The following CRLF2 variants were observed in gnomAD, a reference collection of about 807,000 sequenced individuals.
CRLF2 encodes the protein cytokine receptor like factor 2.
CRLF2 carries 41 observed loss-of-function variants against 38.7 expected under a neutral mutation model. The observed-to-expected ratio is 1.06, with a 90% CI of 0.83 to 1.37. CRLF2 has a LOEUF of 1.37. Among genes scored for constraint, CRLF2 ranks in the 40% most tolerant of loss-of-function variants. The probability of loss-of-function intolerance (pLI) is 0.00; values close to 1 mark genes in which losing one functional copy is unlikely to be tolerated. For synonymous variants in CRLF2, 140 were observed against 128.8 expected, an observed-to-expected ratio of 1.09 and a Z score of -0.59; for missense variants, 377 against 322.2, an observed-to-expected ratio of 1.17 and a Z score of -1.30.
intron 7 of CRLF2, among the ~76,000 whole-genome samples, chrX:1,192,488 C>T (rs1212653792): frequency 8.6e-5 from 13 of 151,812 alleles, no homozygotes; most frequent in South Asian, 6.2e-4. Context: ...TGGTGGCGGG[C>T]GCCTGTCATC....
chrX:1,198,338 TCGAAGGCAGGACAGCC>T (rs2086533178), intron 5 of CRLF2, among the ~76,000 whole-genome samples: 9 of 78,268 alleles, frequency 1.1e-4, no homozygotes, highest in Admixed American at 1.5e-4. Flanking sequence ...CCCTCCCACC[TCGAAGGCAGGACAGCC>T]TCCCTCCCAC....
At chrX:1,192,744 CTTTCTTTCTTTCTTTCT>C (rs2086413690) in intron 7 of CRLF2, among the ~76,000 whole-genome samples, 49 of 117,018 alleles carry the variant, frequency 4.2e-4, no homozygotes, top group South Asian at 1.4e-3. Context: ...TTCTTTCTTT[CTTTCTTTCTTTCTTTCT>C]TTCTTTCCTT....
At chrX:1,198,203 TCCCTCCCACCTC>T (rs2086528714) in intron 5 of CRLF2, among the ~76,000 whole-genome samples, 16 of 113,164 alleles carry the variant, frequency 1.4e-4, no homozygotes, top group Admixed American at 5.1e-4. Context: ...CAGGACACCC[TCCCTCCCACCTC>T]GAAGGCAGGA....
At chrX:1,205,721 G>C (rs1435800618) in intron 3 of CRLF2, among the ~76,000 whole-genome samples, 1 of 151,990 alleles carries the variant, frequency 6.6e-6, no homozygotes, top group Non-Finnish European at 1.5e-5. Flanking sequence ...CCTGCGACTT[G>C]CTAGAGCTTG....
At chrX:1,212,262 C>A (rs112572810) in intron 1 of CRLF2, among the ~76,000 whole-genome samples, 27,835 of 151,338 alleles carry the variant, frequency 0.18, 2,669 homozygotes, top group Admixed American at 0.26. Flanking sequence ...GACACACACA[C>A]GCACACATAC....
chrX:1,199,631 G>A (rs1305768201), intron 4 of CRLF2, among the ~76,000 whole-genome samples: 2 of 151,844 alleles, frequency 1.3e-5, no homozygotes, highest in East Asian at 3.9e-4. Flanking sequence ...GATATAAATG[G>A]ATATAAAGAT....
chrX:1,202,094 GATAC>G (rs2086618306), intron 4 of CRLF2, among the ~76,000 whole-genome samples: 2 of 152,116 alleles, frequency 1.3e-5, no homozygotes, highest in South Asian at 4.2e-4. Flanking sequence ...GAATGATATA[GATAC>G]ATAGATAGAG....
intron 5 of CRLF2, 24 bp from the exon 6 acceptor site, chrX:1,196,924 T>C (rs375191688): frequency 1.3e-4 from 204 of 1,610,248 alleles, no homozygotes; most frequent in Non-Finnish European, 1.6e-4. Flanking sequence ...AAAAGGCGGC[T>C]GTCAGTTTTC....
At chrX:1,207,897 A>C in intron 2 of CRLF2, among the ~76,000 whole-genome samples, 2 of 152,046 alleles carry the variant, frequency 1.3e-5, no homozygotes. Context: ...TGATCCACCC[A>C]CCTCGGTCTC....
At chrX:1,192,146 A>G (rs1478650400) in intron 7 of CRLF2, among the ~76,000 whole-genome samples, 1 of 143,102 alleles carries the variant, frequency 7.0e-6, no homozygotes, top group Non-Finnish European at 1.5e-5. Context: ...TGGAGCTTGC[A>G]GTGAGCCGAG....
intron 7 of CRLF2, among the ~76,000 whole-genome samples, chrX:1,192,720 CTTTCTTTCTTTCTTTCTTTCT>C (rs2086411223): frequency 3.9e-5 from 2 of 51,766 alleles, no homozygotes; most frequent in Non-Finnish European, 7.0e-5. Flanking sequence ...TTCTTTCTTT[CTTTCTTTCTTTCTTTCTTTCT>C]TTCTTTCTTT....
chrX:1,203,611 G>T (rs769179205), intron 3 of CRLF2, among the ~76,000 whole-genome samples: 2 of 151,060 alleles, frequency 1.3e-5, no homozygotes, highest in Admixed American at 1.3e-4. Context: ...ACATGGAGAC[G>T]GAGGCAGAGA....
At chrX:1,199,165 T>TG (rs2072393714) in intron 4 of CRLF2, 1 of 215,398 alleles carries the variant, frequency 4.6e-6, no homozygotes, top group South Asian at 6.8e-5. Flanking sequence ...GAAAAAGAGA[T>TG]GGGGTCTCAC....
Position 1,198,607 on chromosome X carries a change from T to C in CRLF2, c.601A>G (p.Ser201Gly), listed in dbSNP as rs1307215749. The change falls in exon 5 of 8, where the codon AGC becomes GGC. Residue 201 changes from serine (S) to glycine (G), a missense_variant. Transcript: ENST00000400841. Reference sequence around the variant, plus strand: ...CAGCATGTCACCTCTGACCAGTCGCTTGGGTATGTGTCTGGCCCATATACA... The same window carrying C: ...CAGCATGTCACCTCTGACCAGTCGCCTGGGTATGTGTCTGGCCCATATACA... ...EDVYGPDTYP[S>G]DWSEVTCWQR... The C allele has an allele frequency of 6.2e-7, 1 of 1,613,656 alleles. No homozygotes were observed. The highest frequency in any genetic ancestry group is 8.5e-7 in the Non-Finnish European group (1 of 1,179,636).
intron 2 of CRLF2, among the ~76,000 whole-genome samples, chrX:1,207,746 T>C (rs1276271374): frequency 3.3e-5 from 5 of 151,354 alleles, no homozygotes; most frequent in African/African-American, 9.7e-5. Context: ...GTCTCCCAGG[T>C]TGAAGCGATT....
In CRLF2 at chrX:1,190,871, C is replaced by T. The variant is rs1160878866; in HGVS notation, c.*26G>A. On this transcript the variant is annotated 3_prime_UTR_variant, in exon 8 of 8. Coordinates refer to ENST00000400841, the MANE Select transcript of CRLF2 (RefSeq NM_022148.4). ...CTTTAAATGTCAACGTGGATCCTGA[C>T]GTTGACTTTGACAGTGGTGTGTCCA... 7.5e-6 allele frequency: 3 copies of T among 398,670 alleles called. No homozygotes were observed. Among genetic ancestry groups the T allele is most frequent in the Admixed American group, 4.4e-5 (1 of 22,720 alleles). 24.7% of individuals were successfully genotyped at this position (398,670 alleles called of 1,614,324 possible).
chrX:1,194,285 G>C (rs1382897737), intron 6 of CRLF2, among the ~76,000 whole-genome samples: 10 of 150,924 alleles, frequency 6.6e-5, no homozygotes, highest in African/African-American at 2.2e-4. Context: ...GCTAGACTCC[G>C]TCTCAAAAAA....
At chrX:1,212,430 AAAAAAAAAG>A in intron 1 of CRLF2, 117 bp downstream of exon 1, 12 of 641,728 alleles carry the variant, frequency 1.9e-5, no homozygotes, top group Admixed American at 9.7e-5. Context: ...AAAAAAAAAA[AAAAAAAAAG>A]AAAAGAAGAA....
At chrX:1,197,612 G>A (rs1340832571) in intron 5 of CRLF2, among the ~76,000 whole-genome samples, 2 of 151,690 alleles carry the variant, frequency 1.3e-5, no homozygotes, top group African/African-American at 4.9e-5. Context: ...TCAGGAGTTC[G>A]AGACCAGCCT....
Sources: allele counts gnomAD v4.1 joint callset (sites outside exome capture counted in the v4.1 genomes callset), GRCh38; gene constraint gnomAD v4.1.1; transcripts MANE v1.5; gene names NCBI Gene and HGNC (gene_info 2026-07-23, HGNC 2026-07-21).